The following EXT1 variants were observed in gnomAD, a reference collection of about 807,000 sequenced individuals.
EXT1 encodes the protein exostosin glycosyltransferase 1, also known as exostosin-1.
A neutral mutation model predicts 82.5 loss-of-function variants in EXT1; 20 were observed. That is an observed-to-expected ratio of 0.24 (90% CI 0.17 to 0.35). The LOEUF is 0.35. Ranked by LOEUF, EXT1 falls within the 10% of genes least tolerant of loss-of-function variation. The pLI is 1.00. For synonymous variants in EXT1, 348 were observed against 350.8 expected (o/e 0.99, Z 0.09); for missense variants, 757 against 936.5 (o/e 0.81, Z 2.50).
Position 117,807,460 on chromosome 8 carries a change from T to C in EXT1, c.1723-83A>G, listed in dbSNP as rs540335769. On this transcript the variant is annotated intron_variant, in intron 8 of 10. Transcript: ENST00000378204. ...ACATTACCTTCTCCCCACTAATTCA[T>C]AATGCAAAATCCGGGGACTGTGGCG... 6.0e-6 allele frequency: 9 copies of C among 1,496,624 alleles called. No homozygotes were observed. The East Asian group carries it at 1.6e-4, about 27-fold the overall frequency. 92.7% of individuals were successfully genotyped at this position (1,496,624 alleles called of 1,614,324 possible).
chr8:117,913,729 A>G (rs1813695614), intron 1 of EXT1, among the ~76,000 whole-genome samples: 1 of 152,202 alleles, frequency 6.6e-6, no homozygotes, highest in East Asian at 1.9e-4. Flanking sequence ...TTACTTCATC[A>G]ATGACTCTAT....
chr8:117,808,653 C>G (rs1021351210), intron 8 of EXT1, among the ~76,000 whole-genome samples: 7 of 152,174 alleles, frequency 4.6e-5, no homozygotes, highest in Non-Finnish European at 7.4e-5. Flanking sequence ...GTGATGGTAG[C>G]TGGGGGACGG....
At chr8:118,040,026 G>A (rs1816500692) in intron 1 of EXT1, among the ~76,000 whole-genome samples, 1 of 152,168 alleles carries the variant, frequency 6.6e-6, no homozygotes, top group African/African-American at 2.4e-5. Flanking sequence ...GCTGTTTAAT[G>A]AAGAAGCTTT....
At position 117,874,897 on chromosome 8, in the gene EXT1, A is replaced by G. The variant is rs574979394; in HGVS notation, c.963-37696T>C. 1.8e-3 allele frequency among the ~76,000 whole-genome samples: 275 copies of G among 152,290 alleles called. 4 individuals are homozygous for G. Among genetic ancestry groups the G allele is most frequent in the African/African-American group, 6.4e-3 (268 of 41,556 alleles). On this transcript the variant is annotated intron_variant, in intron 1 of 10. Transcript: ENST00000378204. ...CTGAATTCCTTCTTCCTAACTGTCC[A>G]TTAGCGGCTTTGACAATAGTGTTAG...
At chr8:117,878,562 T>C (rs1468761832) in intron 1 of EXT1, among the ~76,000 whole-genome samples, 2 of 152,224 alleles carry the variant, frequency 1.3e-5, no homozygotes, top group African/African-American at 4.8e-5. Flanking sequence ...TTAGATGACC[T>C]GGCATAAGGT....
intron 1 of EXT1, among the ~76,000 whole-genome samples, chr8:117,986,687 T>C (rs1269385904): frequency 5.3e-5 from 8 of 152,198 alleles, no homozygotes; most frequent in Admixed American, 5.2e-4. Flanking sequence ...GGTGCTAGGC[T>C]CATTTTTTAA....
intron 4 of EXT1, among the ~76,000 whole-genome samples, chr8:117,823,119 A>G (rs929364709): frequency 6.6e-6 from 1 of 152,080 alleles, no homozygotes; most frequent in East Asian, 1.9e-4. Flanking sequence ...GTCATATTTC[A>G]TTTTCCTTTC....
At chr8:118,054,317 A>G (rs548758921) in intron 1 of EXT1, among the ~76,000 whole-genome samples, 2 of 152,284 alleles carry the variant, frequency 1.3e-5, no homozygotes, top group East Asian at 3.9e-4. Context: ...CAAGAAACCT[A>G]ACAGATTTAT....
At chr8:117,949,354 T>C (rs1221158394) in intron 1 of EXT1, among the ~76,000 whole-genome samples, 4 of 152,006 alleles carry the variant, frequency 2.6e-5, no homozygotes, top group Admixed American at 6.6e-5. Context: ...TACATACTTA[T>C]GGCTTTAGAA....
At chr8:117,867,273 A>AAAAAAAAAAAG (rs1812791068) in intron 1 of EXT1, among the ~76,000 whole-genome samples, 3 of 150,904 alleles carry the variant, frequency 2.0e-5, no homozygotes, top group Non-Finnish European at 3.0e-5. Context: ...AAAAAAAAAA[A>AAAAAAAAAAAG]GCTTGAGGAA....
chr8:117,958,551 T>C (rs937685778), intron 1 of EXT1, among the ~76,000 whole-genome samples: 7 of 152,288 alleles, frequency 4.6e-5, no homozygotes, highest in African/African-American at 1.7e-4. Context: ...CTGAATCACA[T>C]CTAAACTAAA....
intron 1 of EXT1, among the ~76,000 whole-genome samples, chr8:118,073,054 T>G (rs1817125923): frequency 6.6e-6 from 1 of 152,178 alleles, no homozygotes; most frequent in Non-Finnish European, 1.5e-5. Context: ...TATTATCTCA[T>G]CAGGCTGGAA....
chr8:117,993,675 G>A (rs1815480328), intron 1 of EXT1, among the ~76,000 whole-genome samples: 1 of 152,182 alleles, frequency 6.6e-6, no homozygotes, highest in South Asian at 2.1e-4. Flanking sequence ...GCCTCATCTG[G>A]AGACTCACAA....
At chr8:118,002,908 G>A (rs941852676) in intron 1 of EXT1, among the ~76,000 whole-genome samples, 67 of 152,100 alleles carry the variant, frequency 4.4e-4, no homozygotes, top group African/African-American at 1.3e-3. Context: ...AAAAGAAGTC[G>A]TATGAAAAAG....
rs146203249 is a variant in EXT1 at position 117,853,572 on chromosome 8, C to T, written c.963-16371G>A. On this transcript the variant is annotated intron_variant, in intron 1 of 10. Coordinates refer to ENST00000378204, the MANE Select transcript of EXT1 (RefSeq NM_000127.3). Reference sequence around the variant, plus strand: ...AACTAAGGCAACGGACATTGACCCACGTTACAGATAGTAAAGCTGCATCAG... The same window carrying T: ...AACTAAGGCAACGGACATTGACCCATGTTACAGATAGTAAAGCTGCATCAG... 2.7e-3 allele frequency among the ~76,000 whole-genome samples: 411 copies of T among 152,290 alleles called. 3 individuals are homozygous for T. The highest frequency in any genetic ancestry group is 0.013 in the East Asian group (69 of 5,190).
intron 1 of EXT1, among the ~76,000 whole-genome samples, chr8:118,083,958 G>T (rs1270837419): frequency 6.6e-6 from 1 of 152,140 alleles, no homozygotes; most frequent in Non-Finnish European, 1.5e-5. Context: ...GAACCCGGGA[G>T]GCAGAGGCTG....
intron 1 of EXT1, among the ~76,000 whole-genome samples, chr8:117,906,540 C>T (rs985095562): frequency 1.3e-5 from 2 of 152,200 alleles, no homozygotes; most frequent in Non-Finnish European, 2.9e-5. Flanking sequence ...TCCAGTATGA[C>T]AGCTCTCCAA....
chr8:118,001,325 C>T (rs1294881896), intron 1 of EXT1, among the ~76,000 whole-genome samples: 2 of 152,092 alleles, frequency 1.3e-5, no homozygotes, highest in Non-Finnish European at 2.9e-5. Flanking sequence ...CAGCTGGTTA[C>T]AGGCGTGTGC....
chr8:117,877,356 A>G (rs1439605252), intron 1 of EXT1, among the ~76,000 whole-genome samples: 1 of 152,132 alleles, frequency 6.6e-6, no homozygotes, highest in Non-Finnish European at 1.5e-5. Context: ...CCCAATAGGA[A>G]ACCTTCACAG....
Sources: gnomAD v4.1 joint callset for allele counts (sites outside exome capture counted in the v4.1 genomes callset) on GRCh38, gnomAD v4.1.1 for gene constraint, MANE v1.5 for transcripts, NCBI Gene and HGNC (gene_info 2026-07-23, HGNC 2026-07-21) for gene names.